The following CELA3A variants were observed in gnomAD, a reference collection of about 807,000 sequenced individuals.
The protein encoded by CELA3A is chymotrypsin-like elastase family member 3A.
A neutral mutation model predicts 38.6 loss-of-function variants in CELA3A; 35 were observed. The ratio of observed to expected loss-of-function variants is 0.91; its 90% CI spans 0.69 to 1.20. The LOEUF is 1.20. Among genes scored for constraint, CELA3A ranks in the 50% most tolerant of loss-of-function variants. The probability of loss-of-function intolerance (pLI) is 0.00; values close to 1 mark genes in which losing one functional copy is unlikely to be tolerated. For synonymous variants in CELA3A, 143 were observed against 136.7 expected, an observed-to-expected ratio of 1.05 and a Z score of -0.32; for missense variants, 343 against 354.2, an observed-to-expected ratio of 0.97 and a Z score of 0.25.
rs1055992807 is a variant in CELA3A, at chr1:22,007,425, C to A, written c.552C>A (p.Asp184Glu). ...AGCAGGCCCGGCTGCCCGTGGTGGACTATAAGCACTGCTCCAGGTGGAACT... is the reference window on the plus strand; with the variant it reads ...AGCAGGCCCGGCTGCCCGTGGTGGAATATAAGCACTGCTCCAGGTGGAACT... ...KLQQARLPVVDYKHCSRWNWW... is the reference protein window; with the variant it reads ...KLQQARLPVVEYKHCSRWNWW... The change falls in exon 6 of 8, where the codon GAC (aspartate) becomes GAA (glutamate). Residue 184 changes from aspartate to glutamate, a missense_variant. Coordinates refer to ENST00000290122, the MANE Select transcript of CELA3A (RefSeq NM_005747.5). 3.1e-6 allele frequency: 5 copies of A among 1,612,464 alleles called. No homozygotes were observed. The South Asian group carries it at 4.4e-5, about 14-fold the overall frequency.
chr1:22,007,338 C>T lies in CELA3A; in HGVS notation c.500-35C>T, dbSNP rs372442024. ...CTCTGGGGCACCTAGCGGTGTGCCC[C>T]CAGACCCCTGACTCGGTGCTTTTTA... On this transcript the variant is annotated intron_variant, in intron 5 of 7. Transcript: ENST00000290122. 2.5e-6 allele frequency: 4 copies of T among 1,587,474 alleles called. 1 individual carries two copies. The African/African-American group carries it at 5.4e-5, about 22-fold the overall frequency.
At position 22,008,234 on chromosome 1, in the gene CELA3A, T is replaced by G. The variant is rs200406831; in HGVS notation, c.642+719T>G. On this transcript the variant is annotated intron_variant, in intron 6 of 7. Transcript: ENST00000290122. ...AATGCCATCATAGCCCACTGTAGCC[T>G]TGCCCTCCTGGGCTCAAGCAACCCT... 3.6e-5 allele frequency among the ~76,000 whole-genome samples: 5 copies of G among 138,618 alleles called. No homozygotes were observed. The East Asian group carries it at 1.1e-3, about 30-fold the overall frequency. 90.9% of individuals were successfully genotyped at this position (138,618 alleles called of 152,430 possible).
intron 7 of CELA3A, among the ~76,000 whole-genome samples, chr1:22,012,064 CA>C (rs1644986308): frequency 8.1e-6 from 1 of 124,166 alleles, no homozygotes; most frequent in Non-Finnish European, 1.6e-5. Context: ...ACCAAAAAAA[CA>C]AAAAAAATAT....
rs376151116 is a variant in CELA3A at position 22,005,665 on chromosome 1, G to C, written c.231G>C (p.Arg77Ser). ...WVVTAGHCISRDLTYQVVLGE... is the reference protein window; with the variant it reads ...WVVTAGHCISSDLTYQVVLGE... ...CTGACCTCACCTCTGCCTGCAGGAG[G>C]GATCTGACCTACCAGGTGGTGTTGG... is the stretch of plus-strand genomic sequence containing the variant. Residue 77 changes from arginine to serine, a missense_variant, in exon 4 of 8, where the codon AGG becomes AGC. Coordinates refer to ENST00000290122, the MANE Select transcript of CELA3A (RefSeq NM_005747.5). The C allele has an allele frequency of 4.1e-5, 66 of 1,612,270 alleles. 1 individual carries two copies. The South Asian group carries it at 6.8e-4, about 17-fold the overall frequency.
rs1214618401 is a variant in CELA3A, at chr1:22,003,075, G to T, written c.116G>T (p.Ser39Ile). 4 of 1,577,618 alleles carry T rather than the reference G, an allele frequency of 2.5e-6. No homozygotes were observed. The highest frequency in any genetic ancestry group is 3.4e-6 in the Non-Finnish European group (4 of 1,167,918). ...VVHGEDAVPY[S>I]WPWQVSLQYE... is the part of the protein sequence containing the mutation. The stretch of plus-strand genomic sequence containing the variant: ...CATGGTGAGGATGCGGTCCCCTACA[G>T]CTGGCCCTGGCAGGTAAGAGCAATA... Residue 39 changes from serine to isoleucine, a missense_variant, in exon 2 of 8, where the codon AGC becomes ATC. Transcript: ENST00000290122.
intron 4 of CELA3A, among the ~76,000 whole-genome samples, 158 bp from the exon 5 acceptor site, chr1:22,006,719 TA>T: frequency 5.5e-5 from 1 of 18,032 alleles, no homozygotes; most frequent in Non-Finnish European, 2.0e-3. Flanking sequence ...TCTGTCTCAA[TA>T]ATAATAATAA....
At chr1:22,008,241 C>G (rs116768932) in intron 6 of CELA3A, among the ~76,000 whole-genome samples, 10,417 of 144,986 alleles carry the variant, frequency 0.072, 653 homozygotes, top group East Asian at 0.14. Context: ...GCCTTGCCCT[C>G]CTGGGCTCAA....
chr1:22,007,924 G>A (rs1411373337), intron 6 of CELA3A, among the ~76,000 whole-genome samples: 1 of 150,938 alleles, frequency 6.6e-6, no homozygotes, highest in Non-Finnish European at 1.5e-5. Context: ...GGCTGAGGTG[G>A]GAGGATTGCT....
intron 5 of CELA3A, 82 bp from the exon 6 acceptor site, chr1:22,007,291 G>A: frequency 6.6e-6 from 10 of 1,521,910 alleles, no homozygotes; most frequent in Non-Finnish European, 8.0e-6. Flanking sequence ...CAGAAGAACT[G>A]TGGGCCTTGA....
intron 2 of CELA3A, among the ~76,000 whole-genome samples, chr1:22,003,681 C>G (rs1425328876): frequency 7.0e-6 from 1 of 143,148 alleles, no homozygotes; most frequent in Non-Finnish European, 1.5e-5. Flanking sequence ...GACTCTGTCT[C>G]AAAAAAAAAA....
chr1:22,004,293 G>A (rs980521347), intron 2 of CELA3A, among the ~76,000 whole-genome samples: 5 of 150,730 alleles, frequency 3.3e-5, no homozygotes, highest in African/African-American at 9.8e-5. Context: ...GGCTTGCCTC[G>A]AACTTCTGAG....
chr1:22,002,907 A>G (rs2152819109), intron 1 of CELA3A, 96 bp from the exon 2 acceptor site: 1 of 1,137,254 alleles, frequency 8.8e-7, no homozygotes, highest in African/African-American at 1.8e-5. Flanking sequence ...ATGGGGTCAC[A>G]CAGCCAGTTG....
chr1:22,003,136 C>T (rs1172793847), intron 2 of CELA3A, 48 bp downstream of exon 2: 2 of 1,502,114 alleles, frequency 1.3e-6, no homozygotes, highest in Non-Finnish European at 1.8e-6. Context: ...GCTCTGGACC[C>T]TAAGCTCTAA....
At chr1:22,009,677 G>C (rs1482330643) in intron 6 of CELA3A, 28 bp from the exon 7 acceptor site, 7 of 1,602,868 alleles carry the variant, frequency 4.4e-6, no homozygotes, top group African/African-American at 1.4e-5. Flanking sequence ...ACATGGCTCA[G>C]CCACCCACTC....
chr1:22,005,026 G>A (rs1457579715), intron 2 of CELA3A, among the ~76,000 whole-genome samples: 4 of 150,604 alleles, frequency 2.7e-5, no homozygotes, highest in Non-Finnish European at 5.9e-5. Flanking sequence ...TTGAACCCGG[G>A]AGGCGGAGGT....
chr1:22,009,711 T>C lies in CELA3A; in HGVS notation c.649T>C (p.Ser217Pro). Residue 217 changes from serine to proline, a missense_variant, in exon 7 of 8, where the codon TCT becomes CCT. Ser to Pro is a moderately conservative substitution (Grantham distance 74, BLOSUM62 -1). Coordinates refer to ENST00000290122, the MANE Select transcript of CELA3A (RefSeq NM_005747.5). ...TCCTCTCTGACGGTTCCAGGGTGAC[T>C]CTGGAGGACCCCTCAACTGCCCCAC... ...GYIRSGCNGD[S>P]GGPLNCPTED... is the part of the protein sequence containing the mutation. 1 of 1,611,934 alleles carries C rather than the reference T, an allele frequency of 6.2e-7. No homozygotes were observed. Among genetic ancestry groups the C allele is most frequent in the Non-Finnish European group, 8.5e-7 (1 of 1,179,362 alleles).
In CELA3A at chr1:22,007,495, T is replaced by G. The variant is rs112024506; in HGVS notation, c.622T>G (p.Tyr208Asp). The change falls in exon 6 of 8, where the codon TAC (tyrosine) becomes GAC (aspartate). Residue 208 changes from tyrosine to aspartate, a missense_variant. Physicochemically the swap from Tyr to Asp is radical, Grantham distance 160. Coordinates refer to ENST00000290122, the MANE Select transcript of CELA3A (RefSeq NM_005747.5). ...GAAAACCATGGTGTGTGCTGGAGGGTACATCCGCTCCGGCTGCAACGTGAG... is the reference window on the plus strand; with the variant it reads ...GAAAACCATGGTGTGTGCTGGAGGGGACATCCGCTCCGGCTGCAACGTGAG... ...VKKTMVCAGGYIRSGCNGDSG... is the reference protein window; with the variant it reads ...VKKTMVCAGGDIRSGCNGDSG... 1,800 of 1,601,856 alleles carry G rather than the reference T, an allele frequency of 1.1e-3. 54 individuals are homozygous for G. The highest frequency in any genetic ancestry group is 6.0e-3 in the Middle Eastern group (36 of 5,994).
chr1:22,010,728 C>G (rs1644978897), intron 7 of CELA3A: 1 of 152,228 alleles, frequency 6.6e-6, no homozygotes, highest in Non-Finnish European at 1.4e-5. Flanking sequence ...CCCTGGAGTT[C>G]TGGGCCATAG....
intron 2 of CELA3A, among the ~76,000 whole-genome samples, chr1:22,004,895 C>T: frequency 6.6e-6 from 1 of 151,084 alleles, no homozygotes; most frequent in Non-Finnish European, 1.5e-5. Context: ...AGGTGAGGAG[C>T]TCGAGACCAG....
Sources: allele counts gnomAD v4.1 joint callset (sites outside exome capture counted in the v4.1 genomes callset), GRCh38; gene constraint gnomAD v4.1.1; transcripts MANE v1.5; gene names NCBI Gene and HGNC (gene_info 2026-07-23, HGNC 2026-07-21).